Variants in DSCAML1 observed in about 807,000 individuals in gnomAD.
The protein encoded by DSCAML1 is cell adhesion molecule DSCAML1.
Under a neutral mutation model 200.5 loss-of-function variants are expected in DSCAML1, and 38 were observed. The observed-to-expected ratio is 0.19, with a 90% CI of 0.15 to 0.25. The LOEUF (loss-of-function observed/expected upper bound fraction) is 0.25, where lower values mean the gene tolerates loss of function less well. Among genes scored for constraint, DSCAML1 ranks in the 10% least tolerant of loss-of-function variants. The pLI, the probability that DSCAML1 is intolerant of heterozygous loss-of-function variation, is 1.00. For synonymous variants in DSCAML1, 1,215 were observed against 1,165.0 expected (o/e 1.04, Z -0.87); for missense variants, 2,223 against 2,858.8 (o/e 0.78, Z 5.07).
chr11:117,782,799 C>A (rs1169943857), intron 1 of DSCAML1, among the ~76,000 whole-genome samples: 2 of 152,128 alleles, frequency 1.3e-5, no homozygotes, highest in Non-Finnish European at 2.9e-5. Flanking sequence ...TATATGACTT[C>A]TTTTAATATA....
At chr11:117,811,165 T>A (rs1367307883) in intron 1 of DSCAML1, among the ~76,000 whole-genome samples, 1 of 152,224 alleles carries the variant, frequency 6.6e-6, no homozygotes, top group East Asian at 1.9e-4. Context: ...CTCCTTTTTC[T>A]TTATCCCAAA....
chr11:117,645,065 G>A (rs1037707498), intron 3 of DSCAML1, among the ~76,000 whole-genome samples: 7 of 152,262 alleles, frequency 4.6e-5, no homozygotes, highest in Non-Finnish European at 8.8e-5. Context: ...GGCTTCACCT[G>A]CAGGAACACG....
At chr11:117,618,058 C>T (rs888773717) in intron 3 of DSCAML1, among the ~76,000 whole-genome samples, 1 of 152,198 alleles carries the variant, frequency 6.6e-6, no homozygotes, top group African/African-American at 2.4e-5. Context: ...CTCAACAATA[C>T]CTATTTCAGG....
intron 3 of DSCAML1, among the ~76,000 whole-genome samples, chr11:117,561,574 TTCTCCTCTCC>T (rs558576435): frequency 1.3e-5 from 2 of 152,270 alleles, no homozygotes; most frequent in South Asian, 2.1e-4. Flanking sequence ...GCGCCCCTTG[TTCTCCTCTCC>T]TCTCCTCTCC....
At chr11:117,707,569 T>C (rs2053777884) in intron 3 of DSCAML1, among the ~76,000 whole-genome samples, 1 of 152,148 alleles carries the variant, frequency 6.6e-6, no homozygotes, top group African/African-American at 2.4e-5. Flanking sequence ...GAGTCTCGCT[T>C]TGTCTCCAGG....
At chr11:117,593,981 G>A (rs1442018519) in intron 3 of DSCAML1, among the ~76,000 whole-genome samples, 1 of 152,134 alleles carries the variant, frequency 6.6e-6, no homozygotes, top group East Asian at 1.9e-4. Context: ...CCAAAGTGCT[G>A]GGATTACAGG....
At position 117,450,549 on chromosome 11, in the gene DSCAML1, C is replaced by T; in HGVS notation, c.3708G>A (p.Pro1236=). The T allele has an allele frequency of 1.2e-6, 2 of 1,613,790 alleles. No individual in the cohort carries two copies. Among genetic ancestry groups the T allele is most frequent in the Non-Finnish European group, 1.7e-6 (2 of 1,179,882 alleles). The change falls in exon 20 of 33, where the codon CCG becomes CCA. Residue 1236 remains proline (P), a splice_region_variant and synonymous_variant. Transcript: ENST00000651296. ...ATCATCTGGCCCTGAACTCACTTAC[C>T]GGCTGGCCAGACCCGGGGCTGGAAC... ...IFCSSPGSGQ[P]APSEYETSPE... is the part of the protein sequence containing the mutation.
At chr11:117,495,818 A>ATTTGTTCC (rs768002106) in intron 11 of DSCAML1, among the ~76,000 whole-genome samples, 13 of 152,116 alleles carry the variant, frequency 8.5e-5, no homozygotes, top group Non-Finnish European at 1.5e-4. Flanking sequence ...AAAGCCTGGT[A>ATTTGTTCC]TTTGTTCCTT....
At chr11:117,605,029 T>A (rs1205655543) in intron 3 of DSCAML1, among the ~76,000 whole-genome samples, 2 of 152,162 alleles carry the variant, frequency 1.3e-5, no homozygotes, top group Non-Finnish European at 2.9e-5. Context: ...GGTTCTTTTT[T>A]CTACCCTGCC....
chr11:117,572,904 C>A (rs201317179), intron 3 of DSCAML1, among the ~76,000 whole-genome samples: 5 of 152,158 alleles, frequency 3.3e-5, no homozygotes, highest in Admixed American at 2.0e-4. Context: ...AGGCATCGCC[C>A]GGGGGCAGAG....
Position 117,515,610 on chromosome 11 carries a change from C to CTT in DSCAML1, c.1783+855_1783+856dup, listed in dbSNP as rs56765238. ...TGTCAAGGGCCCAGGAGGGACGAAG[C>CTT]TTTTTTTTTTTTTTTTTTTTTTTTT... On this transcript the variant is annotated intron_variant, in intron 8 of 32. Transcript: ENST00000651296. Among the ~76,000 whole-genome samples, 245 of 65,112 alleles carry CTT rather than the reference C, an allele frequency of 3.8e-3. 45 individuals carry two copies. Among genetic ancestry groups the CTT allele is most frequent in the Admixed American group, 0.011 (57 of 5,308 alleles). 42.7% of individuals were successfully genotyped at this position (65,112 alleles called of 152,430 possible). A position where few individuals can be genotyped will look rare whatever the true frequency, so the allele number is the denominator to read the frequency against.
intron 21 of DSCAML1, among the ~76,000 whole-genome samples, chr11:117,442,096 G>T (rs2048066075): frequency 6.9e-6 from 1 of 144,718 alleles, no homozygotes; most frequent in Non-Finnish European, 1.6e-5. Context: ...GCATGTGAGT[G>T]CATGTTGTGT....
intron 3 of DSCAML1, among the ~76,000 whole-genome samples, chr11:117,646,732 C>T (rs1254353255): frequency 6.6e-6 from 1 of 152,062 alleles, no homozygotes; most frequent in Non-Finnish European, 1.5e-5. Flanking sequence ...GCAAACACTA[C>T]CAGTCAATCA....
chr11:117,805,494 G>T (rs1279559391), intron 1 of DSCAML1, among the ~76,000 whole-genome samples: 2 of 152,198 alleles, frequency 1.3e-5, no homozygotes, highest in East Asian at 3.8e-4. Context: ...AAATAGGTTT[G>T]GAAAACAGTG....
At chr11:117,532,933 C>A (rs2137345753) in intron 3 of DSCAML1, among the ~76,000 whole-genome samples, 1 of 150,828 alleles carries the variant, frequency 6.6e-6, no homozygotes, top group South Asian at 2.1e-4. Context: ...GAGTTGGAGA[C>A]TAGCCTGGGC....
chr11:117,493,299 T>C (rs114295772), intron 11 of DSCAML1, among the ~76,000 whole-genome samples: 2,641 of 149,098 alleles, frequency 0.018, 80 homozygotes, highest in African/African-American at 0.062. Context: ...GACCCAGTTT[T>C]CCCCCTGCCT....
intron 3 of DSCAML1, among the ~76,000 whole-genome samples, chr11:117,545,389 CA>C (rs1251024069): frequency 6.6e-6 from 1 of 152,186 alleles, no homozygotes; most frequent in African/African-American, 2.4e-5. Context: ...CTTAGACTTC[CA>C]GCCTCCAGAA....
intron 3 of DSCAML1, among the ~76,000 whole-genome samples, chr11:117,628,937 C>T (rs1253281078): frequency 6.6e-6 from 1 of 152,110 alleles, no homozygotes; most frequent in Non-Finnish European, 1.5e-5. Flanking sequence ...GTTCAGGGCT[C>T]ATCCCACCCC....
rs1019474645 is a variant in DSCAML1, at chr11:117,571,192, G to T, written c.512-38670C>A. 2.8e-4 allele frequency among the ~76,000 whole-genome samples: 43 copies of T among 152,242 alleles called. 1 individual carries two copies. Among genetic ancestry groups the T allele is most frequent in the African/African-American group, 9.6e-4 (40 of 41,464 alleles). On this transcript the variant is annotated intron_variant, in intron 3 of 32. Transcript: ENST00000651296. ...CCCTCTGCCTCTAGAACAAATGGTT[G>T]TGGGGGCTTGAGAAATATCCCTGGC...
Sources: allele counts gnomAD v4.1 joint callset (sites outside exome capture counted in the v4.1 genomes callset), GRCh38; gene constraint gnomAD v4.1.1; transcripts MANE v1.5; gene names NCBI Gene and HGNC (gene_info 2026-07-23, HGNC 2026-07-21).